IL3RA: variants seen among roughly 807,000 people sequenced by gnomAD.
The protein encoded by IL3RA is interleukin-3 receptor subunit alpha.
IL3RA carries 73 observed loss-of-function variants against 52.3 expected under a neutral mutation model. The ratio of observed to expected loss-of-function variants is 1.40; its 90% CI spans 1.16 to 1.70. IL3RA has a LOEUF of 1.70. IL3RA is among the 40% of genes most tolerant of loss of function. IL3RA has a pLI of 0.00. For synonymous variants in IL3RA, 260 were observed against 194.0 expected, an observed-to-expected ratio of 1.34 and a Z score of -2.83; for missense variants, 664 against 504.4, an observed-to-expected ratio of 1.32 and a Z score of -3.03.
chrX:1,362,618 C>T (rs2087540024), intron 8 of IL3RA, among the ~76,000 whole-genome samples: 1 of 152,032 alleles, frequency 6.6e-6, no homozygotes, highest in Admixed American at 6.6e-5. Context: ...TATCTCCGTC[C>T]TCCTGTATTA....
At chrX:1,366,888 C>A (rs866261593) in intron 9 of IL3RA, among the ~76,000 whole-genome samples, 2 of 19,790 alleles carry the variant, frequency 1.0e-4, no homozygotes, top group African/African-American at 2.3e-4. Flanking sequence ...GAGCGGGGTG[C>A]GCGGGGTGAG....
chrX:1,362,806 C>T (rs192961099), intron 8 of IL3RA, among the ~76,000 whole-genome samples: 42 of 151,754 alleles, frequency 2.8e-4, no homozygotes, highest in South Asian at 6.2e-4. Context: ...GACAGAGTCT[C>T]GCTCTGTCAC....
chrX:1,337,462 CT>C (rs1569518457), intron 1 of IL3RA, among the ~76,000 whole-genome samples: 1 of 152,202 alleles, frequency 6.6e-6, no homozygotes, highest in Admixed American at 6.6e-5. Flanking sequence ...CCTCAGGTCC[CT>C]CCTAGCAGCT....
chrX:1,352,433 C>T lies in IL3RA; in HGVS notation c.543C>T (p.His181=). The part of the protein sequence containing the change: ...SRLSSGSQSS[H]ILVRGRSAAF... ...TCTCCAGCGGTTCTCAAAGTTCCCA[C>T]ATCCTGGTGCGGGGCAGGAGCGCAG... is the stretch of plus-strand genomic sequence containing the variant. Residue 181 remains histidine, a synonymous_variant, in exon 6 of 12, where the codon CAC becomes CAT. Coordinates refer to ENST00000331035, the MANE Select transcript of IL3RA (RefSeq NM_002183.4). The T allele has an allele frequency of 6.2e-7, 1 of 1,613,878 alleles. No homozygotes were observed. Among genetic ancestry groups the T allele is most frequent in the Non-Finnish European group, 8.5e-7 (1 of 1,179,858 alleles).
intron 2 of IL3RA, among the ~76,000 whole-genome samples, chrX:1,344,073 C>G (rs754282810): frequency 8.5e-4 from 129 of 152,092 alleles, no homozygotes; most frequent in African/African-American, 3.1e-3. Context: ...GGATGACGGG[C>G]GTGAGCCACC....
Position 1,348,479 on chromosome X carries a change from G to A in IL3RA, c.232G>A (p.Val78Met). 1 of 1,613,908 alleles carries A rather than the reference G, an allele frequency of 6.2e-7. No homozygotes were observed. Among genetic ancestry groups the A allele is most frequent in the Non-Finnish European group, 8.5e-7 (1 of 1,179,856 alleles). ...CQFGAISLCE[V>M]TNYTVRVANP... ...GTTTGGAGCAATTTCCTTATGTGAA[G>A]TGACCAACTACACCGTCCGAGTGGC... Residue 78 changes from valine (V) to methionine (M), a missense_variant, in exon 4 of 12, where the codon GTG (valine) becomes ATG (methionine). Val to Met is a conservative substitution (Grantham distance 21). Coordinates refer to ENST00000331035, the MANE Select transcript of IL3RA (RefSeq NM_002183.4).
intron 4 of IL3RA, among the ~76,000 whole-genome samples, 159 bp downstream of exon 4, chrX:1,348,704 C>T (rs1307074850): frequency 3.8e-5 from 3 of 79,084 alleles, no homozygotes; most frequent in African/African-American, 6.7e-5. Context: ...TTCTTTCTTT[C>T]TGTTTCTGTT....
chrX:1,337,675 C>T lies in IL3RA; in HGVS notation c.-39+749C>T, dbSNP rs184801167. 8.0e-3 allele frequency among the ~76,000 whole-genome samples: 1,123 copies of T among 140,360 alleles called. 25 individuals are homozygous for T. The highest frequency in any genetic ancestry group is 0.028 in the African/African-American group (1,067 of 38,640). 92.1% of individuals were successfully genotyped at this position (140,360 alleles called of 152,430 possible). ...ATAAATATAATGTGGTCCAGCCACA[C>T]GGTGGAATATTACACAGCCATGAAA... is the stretch of plus-strand genomic sequence containing the variant. On this transcript the variant is annotated intron_variant, in intron 1 of 11. Coordinates refer to ENST00000331035, the MANE Select transcript of IL3RA (RefSeq NM_002183.4).
Position 1,345,537 on chromosome X carries a change from T to C in IL3RA, c.183+103T>C, listed in dbSNP as rs17879846. On this transcript the variant is annotated intron_variant, in intron 3 of 11. Transcript: ENST00000331035. Reference sequence around the variant, plus strand: ...CGGAGTCTTGCTCTGTCGCCCAGGCTGGACTGCGGTGACCCGATCTCCGCT... The same window carrying C: ...CGGAGTCTTGCTCTGTCGCCCAGGCCGGACTGCGGTGACCCGATCTCCGCT... 4,814 of 738,500 alleles carry C rather than the reference T, an allele frequency of 6.5e-3. 205 individuals carry two copies. The African/African-American group carries it at 0.08, about 12-fold the overall frequency. The allele number at this position is 738,500 out of a possible 1,614,324, so 45.7% of individuals were successfully genotyped here.
Position 1,345,446 on chromosome X carries a change from T to C in IL3RA, c.183+12T>C. On this transcript the variant is annotated intron_variant, in intron 3 of 11. Transcript: ENST00000331035. Reference sequence around the variant, plus strand: ...ACTATTCTATGCCGGTAAATCATACTCTCTATTGTTTTTTTATTTTTATTT... The same window carrying C: ...ACTATTCTATGCCGGTAAATCATACCCTCTATTGTTTTTTTATTTTTATTT... 6.9e-7 allele frequency: 1 copy of C among 1,444,520 alleles called. No homozygotes were observed. Among genetic ancestry groups the C allele is most frequent in the Non-Finnish European group, 9.4e-7 (1 of 1,061,832 alleles). 89.5% of individuals were successfully genotyped at this position (1,444,520 alleles called of 1,614,324 possible). A position where few individuals can be genotyped will look rare whatever the true frequency, so the allele number is the denominator to read the frequency against.
At chrX:1,366,601 G>C (rs1440073510) in intron 9 of IL3RA, among the ~76,000 whole-genome samples, 1 of 45,052 alleles carries the variant, frequency 2.2e-5, no homozygotes, top group African/African-American at 1.7e-4. Context: ...TGCGCGGTGC[G>C]CGGGGTGAGC....
intron 9 of IL3RA, among the ~76,000 whole-genome samples, chrX:1,367,858 C>T (rs1439781719): frequency 6.6e-6 from 1 of 151,326 alleles, no homozygotes; most frequent in East Asian, 1.9e-4. Context: ...CGGAAACACT[C>T]CTCTCCTGCA....
chrX:1,380,557 AGGAG>A (rs2089119877), intron 10 of IL3RA, among the ~76,000 whole-genome samples: 1 of 15,510 alleles, frequency 6.4e-5, no homozygotes, highest in South Asian at 5.1e-3. Context: ...GAGGAGGGGG[AGGAG>A]AGGCGAGGGG....
chrX:1,380,933 C>G (rs2089148300), intron 10 of IL3RA, 90 bp from the exon 11 acceptor site: 1 of 1,119,930 alleles, frequency 8.9e-7, no homozygotes, highest in East Asian at 2.4e-5. Context: ...TTGCTCTGTC[C>G]TGGCACTGTC....
chrX:1,338,779 G>A lies in IL3RA; in HGVS notation c.-39+1853G>A, dbSNP rs144091407. 3.6e-3 allele frequency among the ~76,000 whole-genome samples: 539 copies of A among 151,752 alleles called. 2 individuals are homozygous for A. Among genetic ancestry groups the A allele is most frequent in the East Asian group, 0.027 (142 of 5,166 alleles). On this transcript the variant is annotated intron_variant, in intron 1 of 11. Transcript: ENST00000331035. ...GGGTCTGGAGTCTCCTTTTGGGGTC[G>A]TGACAATGTTCTAGAAGATAGAAGT...
At chrX:1,356,934 C>G (rs1293024878) in intron 7 of IL3RA, among the ~76,000 whole-genome samples, 2 of 151,974 alleles carry the variant, frequency 1.3e-5, no homozygotes, top group Non-Finnish European at 1.5e-5. Context: ...ATCCACAGTT[C>G]GTTGGATCAG....
intron 2 of IL3RA, among the ~76,000 whole-genome samples, chrX:1,344,501 A>G (rs1157337626): frequency 2.6e-5 from 4 of 151,870 alleles, no homozygotes; most frequent in East Asian, 1.9e-4. Flanking sequence ...TCAACTGGGC[A>G]TGGTGGCTCA....
At position 1,348,434 on chromosome X, in the gene IL3RA, G is replaced by A. The variant is rs1262924938; in HGVS notation, c.187G>A (p.Val63Met). Residue 63 changes from valine to methionine, a missense_variant, in exon 4 of 12, where the codon GTG (valine) becomes ATG (methionine). By Grantham distance (21) the Val-to-Met change is conservative (BLOSUM62 1). Coordinates refer to ENST00000331035, the MANE Select transcript of IL3RA (RefSeq NM_002183.4). Reference protein sequence around the residue: ...VKDADYSMPAVNNSYCQFGAI... With the variant: ...VKDADYSMPAMNNSYCQFGAI... Reference sequence around the variant, plus strand: ...CATAGTCCTATGTCTCTCTTAGGCAGTGAACAATAGCTATTGCCAGTTTGG... The same window carrying A: ...CATAGTCCTATGTCTCTCTTAGGCAATGAACAATAGCTATTGCCAGTTTGG... 1 of 1,611,922 alleles carries A rather than the reference G, an allele frequency of 6.2e-7. No individual in the cohort carries two copies. The highest frequency in any genetic ancestry group is 8.5e-7 in the Non-Finnish European group (1 of 1,178,030).
rs866300816 is a variant in IL3RA, at chrX:1,367,593, C to G, written c.874+2341C>G. 2.8e-3 allele frequency among the ~76,000 whole-genome samples: 130 copies of G among 46,062 alleles called. 3 individuals carry two copies. The highest frequency in any genetic ancestry group is 0.012 in the African/African-American group (111 of 8,930). 30.2% of individuals were successfully genotyped at this position (46,062 alleles called of 152,430 possible). The stretch of plus-strand genomic sequence containing the variant: ...GGTGCGCGGGGTGAGCGGGGTGAGC[C>G]GGGTGCGCGGGGTGAGCGGGGTGCG... On this transcript the variant is annotated intron_variant, in intron 9 of 11. Coordinates refer to ENST00000331035, the MANE Select transcript of IL3RA (RefSeq NM_002183.4).
Sources: gnomAD v4.1 joint callset for allele counts (sites outside exome capture counted in the v4.1 genomes callset) on GRCh38, gnomAD v4.1.1 for gene constraint, MANE v1.5 for transcripts, NCBI Gene and HGNC (gene_info 2026-07-23, HGNC 2026-07-21) for gene names.